Variants in FBXO36 observed in about 807,000 individuals in gnomAD.
The protein encoded by FBXO36 is F-box protein 36.
In FBXO36, 18 loss-of-function variants were observed where a neutral mutation model predicts 17.0. That is an observed-to-expected ratio of 1.06 (90% CI 0.73 to 1.57). The LOEUF (loss-of-function observed/expected upper bound fraction) is 1.57, where lower values mean the gene tolerates loss of function less well. FBXO36 is among the 40% of genes most tolerant of loss of function. The pLI is 0.00. For synonymous variants in FBXO36, 83 were observed against 85.3 expected (o/e 0.97, Z 0.15); for missense variants, 229 against 221.9 (o/e 1.03, Z -0.20).
At chr2:229,970,110 C>CA (rs780749323) in intron 1 of FBXO36, among the ~76,000 whole-genome samples, 19 of 151,686 alleles carry the variant, frequency 1.3e-4, no homozygotes, top group Non-Finnish European at 2.7e-4. Context: ...TTGACAGTGG[C>CA]AAAAAAAACT....
chr2:230,003,677 C>T (rs1191995725), intron 3 of FBXO36, among the ~76,000 whole-genome samples: 2 of 152,114 alleles, frequency 1.3e-5, no homozygotes, highest in Non-Finnish European at 2.9e-5. Context: ...GGACTACAAG[C>T]ATGTGCCACC....
chr2:229,963,125 G>A (rs986054912), intron 1 of FBXO36, among the ~76,000 whole-genome samples: 2 of 151,750 alleles, frequency 1.3e-5, no homozygotes, highest in Non-Finnish European at 2.9e-5. Context: ...GAGTGCTGTG[G>A]CATGATCTCT....
chr2:229,982,064 C>T (rs1437901002), intron 2 of FBXO36, among the ~76,000 whole-genome samples: 1 of 151,698 alleles, frequency 6.6e-6, no homozygotes. Flanking sequence ...CACTCTGTTG[C>T]CCAGGCTGGA....
At chr2:229,927,588 T>C (rs1343555889) in intron 1 of FBXO36, among the ~76,000 whole-genome samples, 1 of 152,170 alleles carries the variant, frequency 6.6e-6, no homozygotes, top group African/African-American at 2.4e-5. Flanking sequence ...ATACGGCCTC[T>C]TGCAGCCAAT....
chr2:229,970,970 T>C (rs1332324165), intron 1 of FBXO36, among the ~76,000 whole-genome samples: 12 of 152,168 alleles, frequency 7.9e-5, no homozygotes, highest in Non-Finnish European at 1.8e-4. Context: ...TAGTCCAAAA[T>C]GGCTGTAGCA....
intron 1 of FBXO36, among the ~76,000 whole-genome samples, chr2:229,933,831 G>A (rs536811259): frequency 2.9e-4 from 44 of 151,924 alleles, no homozygotes; most frequent in African/African-American, 5.8e-4. Flanking sequence ...GATTACAGGC[G>A]CGCACCACCA....
chr2:229,966,199 A>G (rs568714104), intron 1 of FBXO36, among the ~76,000 whole-genome samples: 73 of 152,256 alleles, frequency 4.8e-4, no homozygotes, highest in African/African-American at 1.7e-3. Flanking sequence ...GTCTGTTCAT[A>G]TCCTTCGCCC....
chr2:229,968,962 CG>C (rs1176630144), intron 1 of FBXO36, among the ~76,000 whole-genome samples: 1 of 151,506 alleles, frequency 6.6e-6, no homozygotes, highest in Non-Finnish European at 1.5e-5. Flanking sequence ...TTAGTAGAGA[CG>C]GGGTTTCACC....
chr2:229,929,349 G>T (rs2076927462), intron 1 of FBXO36, among the ~76,000 whole-genome samples: 1 of 151,636 alleles, frequency 6.6e-6, no homozygotes, highest in Admixed American at 6.6e-5. Flanking sequence ...AGATCACAAG[G>T]TCAGGAGATC....
intron 1 of FBXO36, among the ~76,000 whole-genome samples, chr2:229,932,375 C>T (rs1414770105): frequency 6.6e-6 from 1 of 152,010 alleles, no homozygotes; most frequent in South Asian, 2.1e-4. Context: ...ACAAAATTAG[C>T]CTGGTGTAGT....
chr2:229,945,729 G>A (rs1335182876), intron 1 of FBXO36, among the ~76,000 whole-genome samples: 2 of 151,938 alleles, frequency 1.3e-5, no homozygotes. Context: ...GATATTAAAA[G>A]ATGAAACTGG....
chr2:229,991,042 T>C (rs2106206227), intron 2 of FBXO36, among the ~76,000 whole-genome samples: 1 of 151,712 alleles, frequency 6.6e-6, no homozygotes, highest in South Asian at 2.1e-4. Context: ...TCAAAGCAAT[T>C]CTTCCACCTC....
chr2:229,926,740 A>C (rs1013391716), intron 1 of FBXO36, among the ~76,000 whole-genome samples: 78 of 152,160 alleles, frequency 5.1e-4, no homozygotes, highest in African/African-American at 1.7e-3. Flanking sequence ...TCAAAAACAA[A>C]AAAAAAAATA....
intron 1 of FBXO36, chr2:229,932,889 G>A (rs755890622): frequency 1.3e-4 from 43 of 335,598 alleles, no homozygotes; most frequent in Non-Finnish European, 2.2e-4. Flanking sequence ...CAAACATGGT[G>A]AAACCCCATC....
At chr2:229,996,693 T>C in intron 2 of FBXO36, 58 bp from the exon 3 acceptor site, 1 of 1,508,564 alleles carries the variant, frequency 6.6e-7, no homozygotes, top group African/African-American at 1.4e-5. Flanking sequence ...TCACTGATTG[T>C]TATTATAATT....
intron 1 of FBXO36, among the ~76,000 whole-genome samples, chr2:229,926,014 G>A (rs1026248136): frequency 1.3e-5 from 2 of 151,976 alleles, no homozygotes; most frequent in Non-Finnish European, 2.9e-5. Flanking sequence ...CAAGGGTTGG[G>A]CACAGTGGCT....
At chr2:229,984,305 G>T (rs1373360764) in intron 2 of FBXO36, among the ~76,000 whole-genome samples, 1 of 151,728 alleles carries the variant, frequency 6.6e-6, no homozygotes, top group Non-Finnish European at 1.5e-5. Context: ...CCGAGATCAT[G>T]CCACTGCACT....
chr2:229,981,213 G>A (rs968314403), intron 2 of FBXO36, among the ~76,000 whole-genome samples: 1 of 152,108 alleles, frequency 6.6e-6, no homozygotes, highest in Non-Finnish European at 1.5e-5. Context: ...ACAAAGTCAG[G>A]CGCAGTGGCT....
At chr2:229,967,100 G>T (rs1395803945) in intron 1 of FBXO36, among the ~76,000 whole-genome samples, 1 of 152,160 alleles carries the variant, frequency 6.6e-6, no homozygotes, top group Non-Finnish European at 1.5e-5. Context: ...CACATCCCTT[G>T]TAAGTTGGAT....
Sources: gnomAD v4.1 joint callset for allele counts (sites outside exome capture counted in the v4.1 genomes callset) on GRCh38, gnomAD v4.1.1 for gene constraint, MANE v1.5 for transcripts, NCBI Gene and HGNC (gene_info 2026-07-23, HGNC 2026-07-21) for gene names.